The following STIM2 variants were observed in gnomAD, a reference collection of about 807,000 sequenced individuals.
STIM2 encodes stromal interaction molecule 2.
STIM2 carries 31 observed loss-of-function variants against 85.8 expected under a neutral mutation model. The ratio of observed to expected loss-of-function variants is 0.36; its 90% CI spans 0.27 to 0.49. STIM2 has a LOEUF of 0.49. Ranked by LOEUF, STIM2 falls within the 20% of genes least tolerant of loss-of-function variation. The pLI is 0.98. For missense variants in STIM2, 841 were observed against 927.6 expected, an observed-to-expected ratio of 0.91 and a Z score of 1.21; for synonymous variants, 356 against 331.1, an observed-to-expected ratio of 1.08 and a Z score of -0.82.
rs202247694 is a variant in STIM2 at position 26,903,949 on chromosome 4, CT to C, written c.152-15546del. On this transcript the variant is annotated intron_variant, in intron 1 of 11. Coordinates refer to ENST00000467087, the MANE Select transcript of STIM2 (RefSeq NM_020860.4). ...TTTTAATCTTAGGGTCTAAAAACAA[CT>C]TTTTTTTTATTATACTTTAAGTTTT... 7.3e-5 allele frequency among the ~76,000 whole-genome samples: 11 copies of C among 150,944 alleles called. No individual in the cohort carries two copies. In the East Asian group the frequency reaches 9.7e-4, roughly 13 times the overall value.
chr4:26,933,596 T>A (rs1023291682), intron 2 of STIM2, among the ~76,000 whole-genome samples: 1 of 151,994 alleles, frequency 6.6e-6, no homozygotes, highest in East Asian at 1.9e-4. Context: ...CAGACTGTTT[T>A]TTATCATATG....
chr4:26,999,818 A>G (rs924829411), intron 5 of STIM2, among the ~76,000 whole-genome samples: 6 of 152,202 alleles, frequency 3.9e-5, no homozygotes, highest in Non-Finnish European at 7.3e-5. Context: ...TAAATTAACA[A>G]ACTCTACTGG....
intron 1 of STIM2, among the ~76,000 whole-genome samples, chr4:26,876,715 T>C (rs941985282): frequency 2.0e-5 from 3 of 152,182 alleles, no homozygotes; most frequent in Admixed American, 1.3e-4. Flanking sequence ...TCTTCATTGG[T>C]TTAGTGGCTT....
chr4:26,931,732 C>G (rs1725213542), intron 2 of STIM2, among the ~76,000 whole-genome samples: 1 of 152,110 alleles, frequency 6.6e-6, no homozygotes, highest in Non-Finnish European at 1.5e-5. Context: ...GTCTTGCTGT[C>G]TATTAACTTA....
chr4:26,897,911 G>A (rs1047115935), intron 1 of STIM2, among the ~76,000 whole-genome samples: 5 of 152,100 alleles, frequency 3.3e-5, no homozygotes, highest in African/African-American at 7.2e-5. Flanking sequence ...GACCACAGGT[G>A]CACCACCATG....
intron 1 of STIM2, among the ~76,000 whole-genome samples, chr4:26,870,123 G>T (rs891201403): frequency 6.6e-6 from 1 of 152,060 alleles, no homozygotes; most frequent in African/African-American, 2.4e-5. Flanking sequence ...TGGTTACCAG[G>T]GGCTAGGGAA....
At chr4:26,942,679 T>TA (rs1560214593) in intron 2 of STIM2, among the ~76,000 whole-genome samples, 1 of 152,166 alleles carries the variant, frequency 6.6e-6, no homozygotes, top group Non-Finnish European at 1.5e-5. Context: ...AGCAATTTTT[T>TA]AAAAAACTTG....
At chr4:27,004,076 T>G (rs1009999560) in intron 7 of STIM2, among the ~76,000 whole-genome samples, 8 of 152,246 alleles carry the variant, frequency 5.3e-5, no homozygotes, top group African/African-American at 1.9e-4. Flanking sequence ...TGTTGCTGCC[T>G]TCTTAATAGA....
chr4:27,022,984 G>A lies in STIM2; in HGVS notation c.2229G>A (p.Lys743=), dbSNP rs762388940. The A allele has an allele frequency of 8.7e-6, 14 of 1,611,352 alleles. No homozygotes were observed. The highest frequency in any genetic ancestry group is 1.2e-5 in the Non-Finnish European group (14 of 1,179,698). ...CAAAAATCAAAAGCCTTTTTAAGAA[G>A]AAATCTAAGTGAACTGGCTGACTTG... is the stretch of plus-strand genomic sequence containing the variant. Residue 743 remains lysine (K), a synonymous_variant, in exon 12 of 12, where the codon AAG becomes AAA. Coordinates refer to ENST00000467087, the MANE Select transcript of STIM2 (RefSeq NM_020860.4).
At chr4:26,988,996 G>A (rs111946747) in intron 3 of STIM2, among the ~76,000 whole-genome samples, 10 of 152,178 alleles carry the variant, frequency 6.6e-5, no homozygotes, top group African/African-American at 1.7e-4. Context: ...GTACAGTAGC[G>A]CAGTCTTGGC....
chr4:26,967,442 C>A (rs1227836288), intron 3 of STIM2, among the ~76,000 whole-genome samples: 1 of 152,124 alleles, frequency 6.6e-6, no homozygotes, highest in East Asian at 1.9e-4. Flanking sequence ...ATCAGGAAGG[C>A]ACAGTGTCAT....
At position 27,022,928 on chromosome 4, in the gene STIM2, T is replaced by C; in HGVS notation, c.2173T>C (p.Cys725Arg). ...AATAAGCAGCATCCCACATGACCTT[T>C]GTCATAATGGAGAGAAAAGCAAAAA... Residue 725 changes from cysteine (C) to arginine (R), a missense_variant, in exon 12 of 12, where the codon TGT (cysteine) becomes CGT (arginine). Physicochemically the swap from Cys to Arg is radical, Grantham distance 180. Coordinates refer to ENST00000467087, the MANE Select transcript of STIM2 (RefSeq NM_020860.4). 3 of 1,614,170 alleles carry C rather than the reference T, an allele frequency of 1.9e-6. No individual in the cohort carries two copies. The highest frequency in any genetic ancestry group is 2.5e-6 in the Non-Finnish European group (3 of 1,180,020).
chr4:26,895,537 A>G (rs927155037), intron 1 of STIM2, among the ~76,000 whole-genome samples: 2 of 152,200 alleles, frequency 1.3e-5, no homozygotes, highest in African/African-American at 4.8e-5. Context: ...GGCTAGAGAA[A>G]GGCAAGATTT....
In STIM2 at chr4:26,885,859, A is replaced by ATATATG. The variant is rs1553845028; in HGVS notation, c.151+24495_151+24496insGTATAT. On this transcript the variant is annotated intron_variant, in intron 1 of 11. Transcript: ENST00000467087. ...TATATATATATATATATATATATAT[A>ATATATG]TATATATATATATATGTATATGTCT... Among the ~76,000 whole-genome samples, 20 of 89,432 alleles carry ATATATG rather than the reference A, an allele frequency of 2.2e-4. 2 individuals are homozygous for ATATATG. Among genetic ancestry groups the ATATATG allele is most frequent in the East Asian group, 4.5e-4 (1 of 2,244 alleles). 58.7% of individuals were successfully genotyped at this position (89,432 alleles called of 152,430 possible).
chr4:26,995,877 T>C (rs1727946221), intron 4 of STIM2, among the ~76,000 whole-genome samples: 2 of 152,120 alleles, frequency 1.3e-5, no homozygotes, highest in South Asian at 4.1e-4. Context: ...ACATTTTAAA[T>C]GACAATAACC....
chr4:26,989,094 C>T (rs1284669210), intron 3 of STIM2, among the ~76,000 whole-genome samples: 1 of 152,114 alleles, frequency 6.6e-6, no homozygotes, highest in Admixed American at 6.6e-5. Context: ...ACCACTATGC[C>T]TGGCTAATTT....
At chr4:27,005,320 G>T (rs1381413245) in intron 7 of STIM2, among the ~76,000 whole-genome samples, 1 of 152,128 alleles carries the variant, frequency 6.6e-6, no homozygotes, top group Admixed American at 6.5e-5. Context: ...CTTAGAAAAA[G>T]TCTCAGGAAG....
At chr4:26,910,968 G>A (rs1724311827) in intron 1 of STIM2, among the ~76,000 whole-genome samples, 1 of 152,206 alleles carries the variant, frequency 6.6e-6, no homozygotes, top group Non-Finnish European at 1.5e-5. Flanking sequence ...CGGGTGCAGT[G>A]GCTCACGCCT....
chr4:26,994,849 T>A (rs1457494352), intron 3 of STIM2, among the ~76,000 whole-genome samples: 1 of 152,128 alleles, frequency 6.6e-6, no homozygotes, highest in Non-Finnish European at 1.5e-5. Context: ...TACCCTGACA[T>A]CTTTCCTGCT....
Sources: allele counts gnomAD v4.1 joint callset (sites outside exome capture counted in the v4.1 genomes callset), GRCh38; gene constraint gnomAD v4.1.1; transcripts MANE v1.5; gene names NCBI Gene and HGNC (gene_info 2026-07-23, HGNC 2026-07-21).